Variants in XRCC5 observed in about 807,000 individuals in gnomAD.
XRCC5 encodes the protein X-ray repair cross complementing 5.
XRCC5 carries 12 observed loss-of-function variants against 95.7 expected under a neutral mutation model. That is an observed-to-expected ratio of 0.13 (90% CI 0.08 to 0.20). The LOEUF (loss-of-function observed/expected upper bound fraction) is 0.20, where lower values mean the gene tolerates loss of function less well. Among genes scored for constraint, XRCC5 ranks in the 10% least tolerant of loss-of-function variants. The pLI is 1.00. For missense variants in XRCC5, 595 were observed against 873.9 expected (o/e 0.68, Z 4.02); for synonymous variants, 281 against 290.3 (o/e 0.97, Z 0.33).
chr2:216,141,179 G>C lies in XRCC5; in HGVS notation c.1343-7G>C, dbSNP rs1559245099. ...TAATCATTTTTCTTTCGGCTTCTCT[G>C]TTTAAGAGGCACAGTTGAATGCTGT... On this transcript the variant is annotated splice_polypyrimidine_tract_variant and splice_region_variant and intron_variant, in intron 12 of 20. Transcript: ENST00000392132. 2 of 1,612,976 alleles carry C rather than the reference G, an allele frequency of 1.2e-6. No homozygotes were observed. Among genetic ancestry groups the C allele is most frequent in the Non-Finnish European group, 8.5e-7 (1 of 1,179,644 alleles).
intron 14 of XRCC5, among the ~76,000 whole-genome samples, chr2:216,151,449 CCTT>C (rs1559248589): frequency 6.6e-6 from 1 of 152,152 alleles, no homozygotes; most frequent in South Asian, 2.1e-4. Context: ...CACGAAGACT[CCTT>C]CTCACTTACT....
At chr2:216,156,429 T>C in intron 14 of XRCC5, 1 of 801,126 alleles carries the variant, frequency 1.2e-6, no homozygotes, top group Non-Finnish European at 2.2e-6. Context: ...GCTGACCTTG[T>C]AGCTTTTGTA....
intron 13 of XRCC5, among the ~76,000 whole-genome samples, chr2:216,147,235 G>A (rs1688653122): frequency 6.6e-6 from 1 of 152,148 alleles, no homozygotes; most frequent in African/African-American, 2.4e-5. Context: ...GGAGGCAGAG[G>A]TAGTGTTAAG....
intron 5 of XRCC5, among the ~76,000 whole-genome samples, chr2:216,119,807 T>C (rs1696774671): frequency 6.6e-6 from 1 of 152,266 alleles, no homozygotes; most frequent in African/African-American, 2.4e-5. Context: ...CTCCGGGATT[T>C]ACTTTCTCTG....
intron 16 of XRCC5, among the ~76,000 whole-genome samples, chr2:216,184,069 TGTGTGA>T (rs1427356111): frequency 4.5e-4 from 54 of 120,766 alleles, no homozygotes; most frequent in Middle Eastern, 4.0e-3. Flanking sequence ...TGTGTGTGTG[TGTGTGA>T]TTTAGAGAAA....
At chr2:216,172,469 C>CTTTCTTT (rs1553576429) in intron 16 of XRCC5, among the ~76,000 whole-genome samples, 8 of 107,800 alleles carry the variant, frequency 7.4e-5, no homozygotes, top group Non-Finnish European at 1.4e-4. Context: ...CTTTTCTTTT[C>CTTTCTTT]TTTTTTTTTT....
intron 16 of XRCC5, among the ~76,000 whole-genome samples, chr2:216,168,503 A>G (rs1689094278): frequency 6.6e-6 from 1 of 151,840 alleles, no homozygotes. Flanking sequence ...TTTTTCAGCG[A>G]CTCTTCCTAA....
chr2:216,192,577 G>A, intron 17 of XRCC5, 62 bp from the exon 18 acceptor site: 1 of 1,182,182 alleles, frequency 8.5e-7, no homozygotes, highest in Non-Finnish European at 1.2e-6. Flanking sequence ...TTGGTCTGGG[G>A]TGAATTTGTT....
intron 14 of XRCC5, among the ~76,000 whole-genome samples, chr2:216,151,730 T>G (rs1264005392): frequency 2.6e-5 from 4 of 152,168 alleles, no homozygotes; most frequent in African/African-American, 9.7e-5. Flanking sequence ...AACACAGTGT[T>G]TGGAGTAAAT....
rs4987039 is a variant in XRCC5 at position 216,205,334 on chromosome 2, G to A, written c.*132G>A. On this transcript the variant is annotated 3_prime_UTR_variant, in exon 21 of 21. Transcript: ENST00000392132. Reference sequence around the variant, plus strand: ...AATTCCCAGCAGGTTACCTGGAGGCGGATCATCTAATTCTCTGTGGAATGA... The same window carrying A: ...AATTCCCAGCAGGTTACCTGGAGGCAGATCATCTAATTCTCTGTGGAATGA... 0.032 allele frequency: 33,009 copies of A among 1,026,246 alleles called. 650 individuals are homozygous for A. The highest frequency in any genetic ancestry group is 0.038 in the Non-Finnish European group (24,927 of 647,860). 63.6% of individuals were successfully genotyped at this position (1,026,246 alleles called of 1,614,324 possible).
chr2:216,201,806 T>C (rs906706584), intron 19 of XRCC5, among the ~76,000 whole-genome samples: 1 of 152,222 alleles, frequency 6.6e-6, no homozygotes, highest in African/African-American at 2.4e-5. Context: ...TCCCTGTCAC[T>C]GCATGGGCTA....
chr2:216,150,938 C>G (rs183801049), intron 14 of XRCC5, among the ~76,000 whole-genome samples: 50 of 152,236 alleles, frequency 3.3e-4, no homozygotes, highest in African/African-American at 1.1e-3. Flanking sequence ...GCTATGATGT[C>G]ATGACAGCCC....
chr2:216,113,043 G>A lies in XRCC5; in HGVS notation c.49G>A (p.Gly17Ser). The change falls in exon 2 of 21, where the codon GGC becomes AGC. Residue 17 changes from glycine (G) to serine (S), a missense_variant. By Grantham distance (56) the Gly-to-Ser change is moderately conservative. This residue lies in a region of XRCC5 where 286 missense variants were observed against 491.1 expected (regional missense o/e 0.58). Coordinates refer to ENST00000392132, the MANE Select transcript of XRCC5 (RefSeq NM_021141.4). Reference sequence around the variant, plus strand: ...AGCTGTTGTGCTGTGTATGGACGTGGGCTTTACCATGAGTAACTCCATTCC... The same window carrying A: ...AGCTGTTGTGCTGTGTATGGACGTGAGCTTTACCATGAGTAACTCCATTCC... ...KAAVVLCMDV[G>S]FTMSNSIPGI... 1 of 1,614,088 alleles carries A rather than the reference G, an allele frequency of 6.2e-7. No homozygotes were observed. The highest frequency in any genetic ancestry group is 8.5e-7 in the Non-Finnish European group (1 of 1,179,990).
intron 8 of XRCC5, among the ~76,000 whole-genome samples, chr2:216,129,878 G>A (rs1291615701): frequency 6.6e-6 from 1 of 152,024 alleles, no homozygotes; most frequent in African/African-American, 2.4e-5. Context: ...GAGTTTCACT[G>A]TGTTAGCCAG....
At chr2:216,178,003 T>G (rs998623642) in intron 16 of XRCC5, among the ~76,000 whole-genome samples, 3 of 152,264 alleles carry the variant, frequency 2.0e-5, no homozygotes, top group Admixed American at 1.3e-4. Flanking sequence ...TGAAATTATT[T>G]CTAAGGGCCT....
At chr2:216,189,536 T>C (rs1689575247) in intron 16 of XRCC5, among the ~76,000 whole-genome samples, 1 of 152,266 alleles carries the variant, frequency 6.6e-6, no homozygotes, top group Admixed American at 6.5e-5. Context: ...ACACTATGAA[T>C]GCATTTTCTC....
intron 19 of XRCC5, among the ~76,000 whole-genome samples, chr2:216,195,886 G>A (rs891375100): frequency 2.0e-5 from 3 of 152,312 alleles, no homozygotes; most frequent in East Asian, 1.9e-4. Flanking sequence ...AAGCTTCTGC[G>A]ATATGCTAGG....
rs1347120957 is a variant in XRCC5, at chr2:216,122,252, A to G, written c.682A>G (p.Ser228Gly). The change falls in exon 6 of 21, where the codon AGT becomes GGT. Residue 228 changes from serine (S) to glycine (G), a missense_variant and splice_region_variant. Ser to Gly is a moderately conservative substitution (Grantham distance 56, BLOSUM62 0). This residue lies in a region of XRCC5 where 286 missense variants were observed against 491.1 expected (regional missense o/e 0.58). Coordinates refer to ENST00000392132, the MANE Select transcript of XRCC5 (RefSeq NM_021141.4). ...EDGLDEIYSF[S>G]ESLRKLCVFK... is the part of the protein sequence containing the mutation. The stretch of plus-strand genomic sequence containing the variant: ...TGGGTTGGATGAAATTTATTCATTC[A>G]GGTAAGAATTGAAAACATTGATGGG... The G allele has an allele frequency of 2.5e-6, 4 of 1,601,520 alleles. No individual in the cohort carries two copies. The African/African-American group carries it at 5.4e-5, about 21-fold the overall frequency.
intron 6 of XRCC5, 127 bp downstream of exon 6, chr2:216,122,380 A>G (rs1696826274): frequency 4.5e-6 from 4 of 881,098 alleles, no homozygotes; most frequent in Non-Finnish European, 5.0e-6. Context: ...TAATATTCTG[A>G]GTTTTATTAA....
Sources: allele counts gnomAD v4.1 joint callset (sites outside exome capture counted in the v4.1 genomes callset), GRCh38; gene constraint gnomAD v4.1.1; regional missense constraint gnomAD v4.1.1; transcripts MANE v1.5; gene names NCBI Gene and HGNC (gene_info 2026-07-23, HGNC 2026-07-21).